Variants in KCNT2 observed in about 807,000 individuals in gnomAD.
KCNT2 encodes the protein potassium sodium-activated channel subfamily T member 2, also known as potassium channel subfamily T member 2.
Under a neutral mutation model 153.8 loss-of-function variants are expected in KCNT2, and 67 were observed. The observed-to-expected ratio is 0.44, with a 90% CI of 0.36 to 0.53. KCNT2 has a LOEUF of 0.53. Among genes scored for constraint, KCNT2 ranks in the 20% least tolerant of loss-of-function variants. The pLI, the probability that KCNT2 is intolerant of heterozygous loss-of-function variation, is 0.00. For missense variants in KCNT2, 975 were observed against 1,354.8 expected (o/e 0.72, Z 4.40); for synonymous variants, 500 against 458.8 (o/e 1.09, Z -1.15).
chr1:196,473,144 C>T (rs1678244203), intron 5 of KCNT2, among the ~76,000 whole-genome samples: 1 of 152,124 alleles, frequency 6.6e-6, no homozygotes, highest in South Asian at 2.1e-4. Flanking sequence ...AAAAGCTTTA[C>T]CTTTCTTTAC....
chr1:196,602,319 TG>T (rs1664813614), intron 1 of KCNT2, among the ~76,000 whole-genome samples: 1 of 152,210 alleles, frequency 6.6e-6, no homozygotes, highest in Admixed American at 6.5e-5. Context: ...TAGACAAGCA[TG>T]GTGCATAATA....
intron 2 of KCNT2, among the ~76,000 whole-genome samples, chr1:196,491,164 T>C (rs968637845): frequency 6.6e-5 from 10 of 152,098 alleles, no homozygotes; most frequent in African/African-American, 1.9e-4. Context: ...TTTTTTGGCC[T>C]GGAAAGATAG....
At chr1:196,416,853 A>T (rs1672797184) in intron 12 of KCNT2, among the ~76,000 whole-genome samples, 1 of 152,002 alleles carries the variant, frequency 6.6e-6, no homozygotes, top group Non-Finnish European at 1.5e-5. Context: ...TGTGCTATGA[A>T]ATAGTAGGTC....
chr1:196,426,038 T>C, intron 10 of KCNT2, 50 bp from the exon 11 acceptor site: 1 of 1,391,482 alleles, frequency 7.2e-7, no homozygotes. Context: ...TGTTTTATGT[T>C]ACACTACATA....
At chr1:196,364,531 A>G (rs966485262) in intron 14 of KCNT2, among the ~76,000 whole-genome samples, 7 of 152,118 alleles carry the variant, frequency 4.6e-5, no homozygotes, top group Admixed American at 1.3e-4. Context: ...TTATTCAGCA[A>G]TCTCTCTGGT....
chr1:196,340,247 T>C (rs1665486640), intron 16 of KCNT2, 94 bp downstream of exon 16: 4 of 812,656 alleles, frequency 4.9e-6, no homozygotes, highest in Non-Finnish European at 5.6e-6. Context: ...AAATTTTCTT[T>C]AAACTTTTAA....
intron 19 of KCNT2, among the ~76,000 whole-genome samples, chr1:196,325,444 C>A (rs1337641484): frequency 6.6e-6 from 1 of 152,116 alleles, no homozygotes; most frequent in Non-Finnish European, 1.5e-5. Flanking sequence ...CACATTTGAA[C>A]TCACACAGTT....
intron 8 of KCNT2, among the ~76,000 whole-genome samples, chr1:196,456,701 A>C (rs1423210203): frequency 6.6e-6 from 1 of 151,992 alleles, no homozygotes; most frequent in African/African-American, 2.4e-5. Context: ...AGTGTTATAC[A>C]TGATTTTCCC....
In KCNT2 at chr1:196,262,632, TAA is replaced by T. The variant is rs930824809; in HGVS notation, c.2911-4140_2911-4139del. Among the ~76,000 whole-genome samples, 3 of 151,286 alleles carry T rather than the reference TAA, an allele frequency of 2.0e-5. No individual in the cohort carries two copies. The East Asian group carries it at 5.8e-4, about 29-fold the overall frequency. On this transcript the variant is annotated intron_variant, in intron 25 of 27. Coordinates refer to ENST00000294725, the MANE Select transcript of KCNT2 (RefSeq NM_198503.5). The stretch of plus-strand genomic sequence containing the variant: ...AGTTCACTGAAAGCTTATTTTTATT[TAA>T]AAAAAAATCTAAAGAAAGATGTTTC...
rs1473112044 is a variant in KCNT2, at chr1:196,304,307, T to A, written c.2595+927A>T. 3.3e-5 allele frequency among the ~76,000 whole-genome samples: 5 copies of A among 152,166 alleles called. 1 individual carries two copies. The South Asian group carries it at 6.2e-4, about 19-fold the overall frequency. ...AACCAAAAAATATAAGGCATCATTT[T>A]CTCTACCTCTTATATTGTTATAAGA... is the stretch of plus-strand genomic sequence containing the variant. On this transcript the variant is annotated intron_variant, in intron 22 of 27. Coordinates refer to ENST00000294725, the MANE Select transcript of KCNT2 (RefSeq NM_198503.5).
intron 12 of KCNT2, among the ~76,000 whole-genome samples, chr1:196,415,536 G>A (rs1030689512): frequency 1.3e-5 from 2 of 151,084 alleles, no homozygotes; most frequent in Admixed American, 1.3e-4. Flanking sequence ...ATAAATAAAT[G>A]GTTTAAAAAA....
chr1:196,538,004 C>T (rs1262307590), intron 1 of KCNT2, among the ~76,000 whole-genome samples: 2 of 152,210 alleles, frequency 1.3e-5, no homozygotes, highest in Non-Finnish European at 2.9e-5. Context: ...CAGCTTCTAA[C>T]TCCTTTCCTG....
intron 14 of KCNT2, among the ~76,000 whole-genome samples, chr1:196,371,499 T>A (rs566289622): frequency 1.3e-5 from 2 of 152,204 alleles, no homozygotes; most frequent in African/African-American, 4.8e-5. Context: ...TTGTATAGTA[T>A]GTAAGTTTTA....
intron 25 of KCNT2, among the ~76,000 whole-genome samples, chr1:196,277,491 G>C (rs969856277): frequency 6.6e-6 from 1 of 151,984 alleles, no homozygotes; most frequent in Non-Finnish European, 1.5e-5. Flanking sequence ...CTCTTTCCGG[G>C]GTCCAGAGGC....
chr1:196,270,715 G>A (rs1324088768), intron 25 of KCNT2, among the ~76,000 whole-genome samples: 1 of 151,946 alleles, frequency 6.6e-6, no homozygotes, highest in Non-Finnish European at 1.5e-5. Context: ...ACATGCATGT[G>A]TGTGTATATG....
intron 1 of KCNT2, among the ~76,000 whole-genome samples, chr1:196,581,506 T>G (rs1002662390): frequency 3.9e-5 from 6 of 152,054 alleles, no homozygotes; most frequent in African/African-American, 1.4e-4. Context: ...TGCCCCATTT[T>G]TTTCTGTCCC....
intron 14 of KCNT2, among the ~76,000 whole-genome samples, chr1:196,352,331 G>T (rs1366905461): frequency 6.6e-6 from 1 of 151,772 alleles, no homozygotes; most frequent in Non-Finnish European, 1.5e-5. Flanking sequence ...AATCCATCTG[G>T]TCCTGGACTC....
At chr1:196,480,071 C>T (rs1678877774) in intron 4 of KCNT2, among the ~76,000 whole-genome samples, 1 of 152,166 alleles carries the variant, frequency 6.6e-6, no homozygotes, top group Non-Finnish European at 1.5e-5. Context: ...TATACACCAT[C>T]TCTAGTGTTA....
chr1:196,521,467 T>G (rs761109371), intron 1 of KCNT2, among the ~76,000 whole-genome samples: 4 of 152,072 alleles, frequency 2.6e-5, no homozygotes, highest in Non-Finnish European at 4.4e-5. Context: ...TAAAAGAATA[T>G]AAATCATTCT....
Sources: allele counts gnomAD v4.1 joint callset (sites outside exome capture counted in the v4.1 genomes callset), GRCh38; gene constraint gnomAD v4.1.1; transcripts MANE v1.5; gene names NCBI Gene and HGNC (gene_info 2026-07-23, HGNC 2026-07-21).